Variants in DNAH7 observed in about 807,000 individuals in gnomAD.
The protein encoded by DNAH7 is dynein axonemal heavy chain 7.
A neutral mutation model predicts 444.6 loss-of-function variants in DNAH7; 397 were observed. The ratio of observed to expected loss-of-function variants is 0.89; its 90% CI spans 0.82 to 0.97. The LOEUF is 0.97. DNAH7 is among the 50% of genes least tolerant of loss of function. The pLI, the probability that DNAH7 is intolerant of heterozygous loss-of-function variation, is 0.00. For missense variants in DNAH7, 4,902 were observed against 4,800.8 expected, an observed-to-expected ratio of 1.02 and a Z score of -0.62; for synonymous variants, 1,636 against 1,624.4, an observed-to-expected ratio of 1.01 and a Z score of -0.17.
In DNAH7 at chr2:195,834,262, A is replaced by G. The variant is rs369237104; in HGVS notation, c.9044T>C (p.Leu3015Pro). 1 of 1,609,090 alleles carries G rather than the reference A, an allele frequency of 6.2e-7. No individual in the cohort carries two copies. Among genetic ancestry groups the G allele is most frequent in the Admixed American group, 1.7e-5 (1 of 59,968 alleles). ...EKANSLYVIK[L>P]SEPDYVRTLE... ...AGTCCTGACATAGTCAGGTTCACTA[A>G]GTTTAATCACATAAAGACTATTGGC... The change falls in exon 48 of 65, where the codon CTT (leucine) becomes CCT (proline). Residue 3015 changes from leucine (L) to proline (P), a missense_variant. Leu to Pro is a moderately conservative substitution (Grantham distance 98). Transcript: ENST00000312428.
intron 5 of DNAH7, among the ~76,000 whole-genome samples, chr2:196,041,682 A>C (rs1026954210): frequency 5.9e-5 from 9 of 152,000 alleles, no homozygotes; most frequent in Non-Finnish European, 1.2e-4. Flanking sequence ...TCGAAAGCAT[A>C]AGCAACAAAA....
chr2:195,976,315 T>C (rs1210921546), intron 15 of DNAH7, among the ~76,000 whole-genome samples: 1 of 152,074 alleles, frequency 6.6e-6, no homozygotes, highest in Non-Finnish European at 1.5e-5. Context: ...CCTGTGGTGG[T>C]GGTGGACATA....
chr2:196,018,951 A>G (rs184256249), intron 9 of DNAH7, among the ~76,000 whole-genome samples: 2 of 152,240 alleles, frequency 1.3e-5, no homozygotes, highest in Non-Finnish European at 2.9e-5. Context: ...TGCATCTACT[A>G]TGTACTCAAA....
chr2:195,946,538 A>G (rs1446455605), intron 19 of DNAH7, among the ~76,000 whole-genome samples: 1 of 152,164 alleles, frequency 6.6e-6, no homozygotes, highest in Non-Finnish European at 1.5e-5. Context: ...GACCAGTTGC[A>G]AAGACCAACA....
chr2:195,938,236 C>T lies in DNAH7; in HGVS notation c.3079-1444G>A, dbSNP rs116697894. Among the ~76,000 whole-genome samples, 239 of 151,900 alleles carry T rather than the reference C, an allele frequency of 1.6e-3. 1 individual carries two copies. Among genetic ancestry groups the T allele is most frequent in the African/African-American group, 5.3e-3 (219 of 41,462 alleles). ...ATCATTACTTGTTTCCTCAATAAAA[C>T]ATGAATATATAAATCATATAATATA... On this transcript the variant is annotated intron_variant, in intron 19 of 64. Transcript: ENST00000312428.
chr2:195,844,999 T>C lies in DNAH7; in HGVS notation c.8945+3A>G. On this transcript the variant is annotated splice_donor_region_variant and intron_variant, in intron 47 of 64. Coordinates refer to ENST00000312428, the MANE Select transcript of DNAH7 (RefSeq NM_018897.3). ...CCATTTGTGAGAAAAATATTTTTCTTACATTATGATTATCCCATTATCAAT... is the reference window on the plus strand; with the variant it reads ...CCATTTGTGAGAAAAATATTTTTCTCACATTATGATTATCCCATTATCAAT... 1 of 1,609,388 alleles carries C rather than the reference T, an allele frequency of 6.2e-7. No individual in the cohort carries two copies. Among genetic ancestry groups the C allele is most frequent in the Non-Finnish European group, 8.5e-7 (1 of 1,177,942 alleles).
chr2:195,778,643 A>AAAT lies in DNAH7; in HGVS notation c.10879-659_10879-658insATT, dbSNP rs1553518206. ...GAAAAAAAAAAAAAATAAATAAATA[A>AAAT]ATATATATATATATATATATATATA... On this transcript the variant is annotated intron_variant, in intron 58 of 64. Coordinates refer to ENST00000312428, the MANE Select transcript of DNAH7 (RefSeq NM_018897.3). Among the ~76,000 whole-genome samples the AAAT allele has an allele frequency of 6.2e-4, 35 of 56,214 alleles. 5 individuals are homozygous for AAAT. The highest frequency in any genetic ancestry group is 5.7e-3 in the East Asian group (6 of 1,054). 36.9% of individuals were successfully genotyped at this position (56,214 alleles called of 152,430 possible).
chr2:195,914,541 A>C (rs1687553261), intron 24 of DNAH7, among the ~76,000 whole-genome samples: 1 of 152,132 alleles, frequency 6.6e-6, no homozygotes, highest in Non-Finnish European at 1.5e-5. Flanking sequence ...CTTGGCCTTA[A>C]TTCTGAACCA....
At chr2:195,886,810 C>T (rs1043510141) in intron 33 of DNAH7, among the ~76,000 whole-genome samples, 1 of 152,098 alleles carries the variant, frequency 6.6e-6, no homozygotes, top group Non-Finnish European at 1.5e-5. Context: ...GTGTAATGCT[C>T]CTAGAACTAT....
In DNAH7 at chr2:195,864,869, T is replaced by C; in HGVS notation, c.6786A>G (p.Ala2262=). 6.2e-7 allele frequency: 1 copy of C among 1,614,146 alleles called. No homozygotes were observed. Among genetic ancestry groups the C allele is most frequent in the Admixed American group, 1.7e-5 (1 of 60,024 alleles). Residue 2262 remains alanine, a synonymous_variant, in exon 41 of 65, where the codon GCA becomes GCG. Transcript: ENST00000312428. ...LDFDNDGMVE[A]DDLRSLMFCD... ...AAAACATTAAGCTGCGTAAGTCATC[T>C]GCTTCCACCATGCCATCATTATCAA...
Position 196,026,739 on chromosome 2 carries a change from C to G in DNAH7, c.667+21G>C, listed in dbSNP as rs769415299. The G allele has an allele frequency of 4.5e-6, 7 of 1,539,042 alleles. No homozygotes were observed. The African/African-American group carries it at 8.2e-5, about 18-fold the overall frequency. On this transcript the variant is annotated intron_variant, in intron 7 of 64. Coordinates refer to ENST00000312428, the MANE Select transcript of DNAH7 (RefSeq NM_018897.3). The stretch of plus-strand genomic sequence containing the variant: ...TGAGACACATATTTGAATTAAAAAT[C>G]AAAGCATAATACCAATTTACCTATG...
Position 195,858,778 on chromosome 2 carries a change from T to A in DNAH7, c.7763A>T (p.Tyr2588Phe). The A allele has an allele frequency of 6.2e-7, 1 of 1,609,240 alleles. No individual in the cohort carries two copies. ...RSEVMKMKKR[Y>F]EVGLEKLDSA... Reference sequence around the variant, plus strand: ...ATCCAGTTTCTCCAAACCCACTTCATATCTCTTTTTCATTTTCATTACTTC... The same window carrying A: ...ATCCAGTTTCTCCAAACCCACTTCAAATCTCTTTTTCATTTTCATTACTTC... Residue 2588 changes from tyrosine (Y) to phenylalanine (F), a missense_variant, in exon 43 of 65, where the codon TAT (tyrosine) becomes TTT (phenylalanine). Transcript: ENST00000312428.
chr2:195,886,354 C>T (rs1701712667), intron 33 of DNAH7, 82 bp from the exon 34 acceptor site: 2 of 1,302,430 alleles, frequency 1.5e-6, no homozygotes, highest in Non-Finnish European at 2.1e-6. Context: ...TTATTAAGCT[C>T]ATTTAATTTT....
intron 12 of DNAH7, among the ~76,000 whole-genome samples, chr2:195,988,754 C>T (rs1693095350): frequency 1.3e-5 from 2 of 152,048 alleles, no homozygotes; most frequent in Admixed American, 1.3e-4. Flanking sequence ...TATAGTCACC[C>T]TAATGTGCAA....
Position 195,865,036 on chromosome 2 carries a change from A to G in DNAH7, c.6634-15T>C, listed in dbSNP as rs1206800089. 6.5e-7 allele frequency: 1 copy of G among 1,544,030 alleles called. No individual in the cohort carries two copies. The highest frequency in any genetic ancestry group is 2.3e-5 in the East Asian group (1 of 44,386). ...ACTCGAAGGACCTGTATAATAATTAAAAAGCAGCTTTAGAAACTTTCTTCT... is the reference window on the plus strand; with the variant it reads ...ACTCGAAGGACCTGTATAATAATTAGAAAGCAGCTTTAGAAACTTTCTTCT... On this transcript the variant is annotated splice_polypyrimidine_tract_variant and intron_variant, in intron 40 of 64. Transcript: ENST00000312428.
Position 196,001,777 on chromosome 2 carries a change from C to G in DNAH7, c.1071G>C (p.Leu357Phe), listed in dbSNP as rs1226333432. ...CAGCAGCACAGTTGAAAAAAGATTC[C>G]AATTTGGCACTGCTGTCACCAGTTG... ...QLPTGDSSAK[L>F]ESFFNCAAAL... Residue 357 changes from leucine (L) to phenylalanine (F), a missense_variant, in exon 11 of 65, where the codon TTG (leucine) becomes TTC (phenylalanine). Leu to Phe is a conservative substitution (Grantham distance 22). Coordinates refer to ENST00000312428, the MANE Select transcript of DNAH7 (RefSeq NM_018897.3). 6.2e-7 allele frequency: 1 copy of G among 1,612,836 alleles called. No homozygotes were observed. The highest frequency in any genetic ancestry group is 1.3e-5 in the African/African-American group (1 of 74,852).
intron 47 of DNAH7, among the ~76,000 whole-genome samples, chr2:195,842,793 C>A (rs945680493): frequency 6.6e-6 from 1 of 152,064 alleles, no homozygotes; most frequent in South Asian, 2.1e-4. Flanking sequence ...TATCCATCAA[C>A]AGTTCTATTA....
chr2:195,803,389 A>AG (rs1210991277), intron 54 of DNAH7, among the ~76,000 whole-genome samples: 3 of 152,228 alleles, frequency 2.0e-5, no homozygotes, highest in Non-Finnish European at 2.9e-5. Context: ...GGATCAAGTT[A>AG]GGGGTGCTCA....
chr2:195,822,846 C>T (rs1697536059), intron 49 of DNAH7, among the ~76,000 whole-genome samples: 1 of 152,182 alleles, frequency 6.6e-6, no homozygotes, highest in African/African-American at 2.4e-5. Context: ...GGGATTTTAT[C>T]ATTTCCTTTT....
Sources: allele counts gnomAD v4.1 joint callset (sites outside exome capture counted in the v4.1 genomes callset), GRCh38; gene constraint gnomAD v4.1.1; transcripts MANE v1.5; gene names NCBI Gene and HGNC (gene_info 2026-07-23, HGNC 2026-07-21).